The following SH3BGRL variants were observed in gnomAD, a reference collection of about 807,000 sequenced individuals.
The protein encoded by SH3BGRL is adapter SH3BGRL.
In SH3BGRL, 7 loss-of-function variants were observed where a neutral mutation model predicts 9.8. That is an observed-to-expected ratio of 0.72 (90% CI 0.41 to 1.35). The LOEUF (loss-of-function observed/expected upper bound fraction) is 1.35, where lower values mean the gene tolerates loss of function less well. Among genes scored for constraint, SH3BGRL ranks in the 40% most tolerant of loss-of-function variants. The probability of loss-of-function intolerance (pLI) is 0.01; values close to 1 mark genes in which losing one functional copy is unlikely to be tolerated. For synonymous variants in SH3BGRL, 36 were observed against 29.1 expected, an observed-to-expected ratio of 1.24 and a Z score of -0.76; for missense variants, 73 against 84.4, an observed-to-expected ratio of 0.86 and a Z score of 0.53.
At position 81,212,611 on chromosome X, in the gene SH3BGRL, C is replaced by T. The variant is rs5959848; in HGVS notation, c.45+10366C>T. ...GTTTTGTTTAGTGTGTGTTTATATC[C>T]AATTAGAAATTGTGTGGCTATGATT... On this transcript the variant is annotated intron_variant, in intron 1 of 3. Transcript: ENST00000373212. 8.7e-3 allele frequency among the ~76,000 whole-genome samples: 970 copies of T among 111,536 alleles called. 8 individuals carry two copies. Among genetic ancestry groups the T allele is most frequent in the Non-Finnish European group, 0.014 (736 of 53,080 alleles).
chrX:81,244,717 G>A (rs12388900), intron 1 of SH3BGRL, among the ~76,000 whole-genome samples: 18,219 of 110,310 alleles, frequency 0.17, 1,499 homozygotes, highest in East Asian at 0.63. Flanking sequence ...TGTTACATAC[G>A]TATACATGTG....
chrX:81,245,588 ATTATAT>A (rs1366631597), intron 1 of SH3BGRL, among the ~76,000 whole-genome samples: 1 of 111,937 alleles, frequency 8.9e-6, no homozygotes, highest in East Asian at 2.8e-4. Context: ...ATGAATAACC[ATTATAT>A]TTATATTACA....
chrX:81,294,648 T>C (rs1412097047), intron 3 of SH3BGRL, among the ~76,000 whole-genome samples: 2 of 111,165 alleles, frequency 1.8e-5, no homozygotes, highest in Non-Finnish European at 3.8e-5. Context: ...ACAGAGTCCC[T>C]ACCGGGGCAC....
chrX:81,296,681 G>C (rs1294157843), intron 3 of SH3BGRL, among the ~76,000 whole-genome samples: 1 of 111,638 alleles, frequency 9.0e-6, no homozygotes, highest in African/African-American at 3.3e-5. Context: ...GTGTCAAGTA[G>C]GTCAGAGTTC....
intron 1 of SH3BGRL, among the ~76,000 whole-genome samples, chrX:81,275,209 A>T (rs1340492003): frequency 9.0e-6 from 1 of 111,176 alleles, no homozygotes; most frequent in East Asian, 2.8e-4. Context: ...TGCCAGGGTC[A>T]TGTATGTAAA....
In SH3BGRL at chrX:81,202,236, C is replaced by T. The variant is rs754154184; in HGVS notation, c.36C>T (p.Gly12=). The T allele has an allele frequency of 1.4e-5, 17 of 1,205,317 alleles. No homozygotes were observed. The South Asian group carries it at 3.0e-4, about 21-fold the overall frequency. ...VIRVYIASSS[G]STAIKKKQQD... ...GTGTATATATTGCATCTTCCTCTGG[C>T]TCTACAGCGGTAAGGAGAGTGGGGA... is the stretch of plus-strand genomic sequence containing the variant. The change falls in exon 1 of 4, where the codon GGC becomes GGT. Residue 12 remains glycine (G), a synonymous_variant. Coordinates refer to ENST00000373212, the MANE Select transcript of SH3BGRL (RefSeq NM_003022.3).
At chrX:81,238,683 G>T (rs1409413357) in intron 1 of SH3BGRL, among the ~76,000 whole-genome samples, 2 of 110,639 alleles carry the variant, frequency 1.8e-5, no homozygotes, top group African/African-American at 3.3e-5. Context: ...GCAGGGCTCG[G>T]GTGAGACACA....
intron 3 of SH3BGRL, among the ~76,000 whole-genome samples, chrX:81,282,109 C>A (rs1367947107): frequency 8.9e-6 from 1 of 111,971 alleles, no homozygotes; most frequent in Non-Finnish European, 1.9e-5. Context: ...TGGTGAAAGA[C>A]CTTATCCAAC....
chrX:81,224,460 A>G (rs1390527575), intron 1 of SH3BGRL, among the ~76,000 whole-genome samples: 2 of 100,350 alleles, frequency 2.0e-5, no homozygotes, highest in Non-Finnish European at 4.0e-5. Flanking sequence ...TCTTTGAAAG[A>G]AAGGATTTTT....
chrX:81,205,345 T>C (rs1471586123), intron 1 of SH3BGRL, among the ~76,000 whole-genome samples: 1 of 110,643 alleles, frequency 9.0e-6, no homozygotes. Flanking sequence ...TCTTTCTGTG[T>C]TATGTCTTAG....
chrX:81,287,811 G>A (rs1028284625), intron 3 of SH3BGRL, among the ~76,000 whole-genome samples: 6 of 110,713 alleles, frequency 5.4e-5, no homozygotes, highest in South Asian at 7.7e-4. Flanking sequence ...TAATAAAAAA[G>A]AAATGGCAAT....
chrX:81,272,963 A>G (rs900409132), intron 1 of SH3BGRL, among the ~76,000 whole-genome samples: 5 of 111,634 alleles, frequency 4.5e-5, no homozygotes, highest in Non-Finnish European at 9.4e-5. Flanking sequence ...ATACACATAC[A>G]CACCATGATT....
intron 1 of SH3BGRL, chrX:81,255,742 A>G (rs1240044190): frequency 1.8e-5 from 2 of 111,999 alleles, no homozygotes; most frequent in Non-Finnish European, 1.9e-5. Flanking sequence ...CACTTTATTT[A>G]TAGTTCAGTT....
At chrX:81,204,800 C>T (rs1335953371) in intron 1 of SH3BGRL, among the ~76,000 whole-genome samples, 1 of 111,934 alleles carries the variant, frequency 8.9e-6, no homozygotes, top group Non-Finnish European at 1.9e-5. Context: ...CCAGCCTGGG[C>T]AACAGAGCGA....
chrX:81,229,369 TAGTC>T (rs1418084810), intron 1 of SH3BGRL, among the ~76,000 whole-genome samples: 1 of 111,457 alleles, frequency 9.0e-6, no homozygotes, highest in East Asian at 2.8e-4. Context: ...TGCCTTGTGT[TAGTC>T]AGCTCAATTA....
intron 1 of SH3BGRL, among the ~76,000 whole-genome samples, chrX:81,220,335 G>C (rs375861557): frequency 9.0e-5 from 10 of 111,326 alleles, no homozygotes; most frequent in African/African-American, 3.2e-4. Flanking sequence ...TTTCTCCATG[G>C]TTCAATATTT....
chrX:81,282,893 T>C (rs937582803), intron 3 of SH3BGRL, among the ~76,000 whole-genome samples: 8 of 112,258 alleles, frequency 7.1e-5, no homozygotes, highest in Non-Finnish European at 1.5e-4. Flanking sequence ...GCTGGTTCTT[T>C]GAAAAGATTA....
chrX:81,284,053 T>C (rs1440555237), intron 3 of SH3BGRL, among the ~76,000 whole-genome samples: 1 of 108,451 alleles, frequency 9.2e-6, no homozygotes, highest in African/African-American at 3.4e-5. Flanking sequence ...AATCAAGAAC[T>C]CAACCCCTTT....
chrX:81,257,649 T>C (rs137947798), intron 1 of SH3BGRL, among the ~76,000 whole-genome samples: 2,134 of 111,929 alleles, frequency 0.019, 32 homozygotes, highest in Non-Finnish European at 0.029. Context: ...GTGTGAGTCT[T>C]CTAGAAAAAG....
Sources: gnomAD v4.1 joint callset for allele counts (sites outside exome capture counted in the v4.1 genomes callset) on GRCh38, gnomAD v4.1.1 for gene constraint, MANE v1.5 for transcripts, NCBI Gene and HGNC (gene_info 2026-07-23, HGNC 2026-07-21) for gene names.